Variants in TMEM232 observed in about 807,000 individuals in gnomAD.
TMEM232 encodes the protein transmembrane protein 232.
Under a neutral mutation model 78.8 loss-of-function variants are expected in TMEM232, and 80 were observed. The ratio of observed to expected loss-of-function variants is 1.01; its 90% confidence interval spans 0.85 to 1.22. TMEM232 has a LOEUF of 1.22. Among genes scored for constraint, TMEM232 ranks in the 50% most tolerant of loss-of-function variants. TMEM232 has a pLI of 0.00. For synonymous variants in TMEM232, 297 were observed against 254.3 expected (o/e 1.17, Z -1.60); for missense variants, 881 against 742.2 (o/e 1.19, Z -2.17).
At chr5:110,657,550 T>C (rs1040535027) in intron 2 of TMEM232, among the ~76,000 whole-genome samples, 1 of 152,124 alleles carries the variant, frequency 6.6e-6, no homozygotes, top group Admixed American at 6.6e-5. Flanking sequence ...AAAAAGCTTA[T>C]TTCATAGAAT....
At chr5:110,603,613 T>A (rs1314698566) in intron 10 of TMEM232, among the ~76,000 whole-genome samples, 1 of 152,192 alleles carries the variant, frequency 6.6e-6, no homozygotes, top group African/African-American at 2.4e-5. Context: ...ATTTCTGACA[T>A]TCTGAATAAC....
In TMEM232 at chr5:110,390,813, G is replaced by A. The variant is rs573219085; in HGVS notation, n.391-173C>T. 4.6e-4 allele frequency among the ~76,000 whole-genome samples: 70 copies of A among 152,336 alleles called. 2 individuals are homozygous for A. The highest frequency in any genetic ancestry group is 1.5e-3 in the African/African-American group (62 of 41,586). On this transcript the variant is annotated intron_variant and non_coding_transcript_variant, in intron 3 of 8. Coordinates refer to the TMEM232 transcript ENST00000507188. ...AAAATGGTACTTTGGTGATTATAGC[G>A]TGATAGCACAAAAAGCCACGTCCCT...
chr5:110,613,656 A>G lies in TMEM232; in HGVS notation c.902+4773T>C, dbSNP rs747559735. On this transcript the variant is annotated intron_variant, in intron 8 of 13. Coordinates refer to ENST00000455884, the MANE Select transcript of TMEM232 (RefSeq NM_001039763.4). The stretch of plus-strand genomic sequence containing the variant: ...TGCATCATCAGGGCCTGGTGCCTCA[A>G]TATTTCTTTTTCATTCTGAATACAT... 3.3e-5 allele frequency among the ~76,000 whole-genome samples: 5 copies of G among 152,180 alleles called. No individual in the cohort carries two copies. The Middle Eastern group carries it at 0.01, about 311-fold the overall frequency.
intron 12 of TMEM232, among the ~76,000 whole-genome samples, chr5:110,466,898 T>TTGTGTGTG (rs36031837): frequency 4.3e-4 from 65 of 149,770 alleles, no homozygotes; most frequent in East Asian, 2.0e-3. Flanking sequence ...ACTATAGTAT[T>TTGTGTGTG]TGTGTGTGTG....
chr5:110,445,701 G>C (rs563948279), intron 12 of TMEM232, among the ~76,000 whole-genome samples: 2 of 152,150 alleles, frequency 1.3e-5, no homozygotes, highest in Non-Finnish European at 2.9e-5. Flanking sequence ...ACACATCAAA[G>C]TTCAACTATG....
At chr5:110,568,980 G>A (rs1776630939) in intron 10 of TMEM232, among the ~76,000 whole-genome samples, 1 of 151,762 alleles carries the variant, frequency 6.6e-6, no homozygotes, top group Non-Finnish European at 1.5e-5. Flanking sequence ...GGCCACCATG[G>A]TGAATTTTTA....
chr5:110,517,058 C>T (rs1211812464), intron 12 of TMEM232, among the ~76,000 whole-genome samples: 1 of 152,176 alleles, frequency 6.6e-6, no homozygotes, highest in Non-Finnish European at 1.5e-5. Flanking sequence ...TGGCTTCTTG[C>T]CGTCTTTCAC....
chr5:110,631,184 CA>C (rs1219272316), intron 5 of TMEM232, among the ~76,000 whole-genome samples: 3 of 152,152 alleles, frequency 2.0e-5, no homozygotes, highest in Admixed American at 2.0e-4. Flanking sequence ...CTGTGGCCCC[CA>C]AGTAGTATTA....
chr5:110,635,764 A>G (rs1252467899), intron 5 of TMEM232, among the ~76,000 whole-genome samples: 1 of 151,968 alleles, frequency 6.6e-6, no homozygotes, highest in African/African-American at 2.4e-5. Flanking sequence ...AAAAATACAC[A>G]TGATGGCGAG....
chr5:110,728,266 G>C (rs1283008840), upstream of TMEM232, among the ~76,000 whole-genome samples: 3 of 151,490 alleles, frequency 2.0e-5, no homozygotes, highest in East Asian at 5.8e-4. Flanking sequence ...TATATCTACT[G>C]ATTTTATATA....
At chr5:110,665,708 T>G (rs78379446) in intron 2 of TMEM232, among the ~76,000 whole-genome samples, 1 of 151,984 alleles carries the variant, frequency 6.6e-6, no homozygotes, top group African/African-American at 2.4e-5. Context: ...TGGGGACATA[T>G]AGCCAACCTG....
chr5:110,528,126 T>C (rs557783606), intron 12 of TMEM232, among the ~76,000 whole-genome samples: 1 of 152,022 alleles, frequency 6.6e-6, no homozygotes, highest in Non-Finnish European at 1.5e-5. Flanking sequence ...GTCCAATGTT[T>C]CCCGGAGTCC....
At chr5:110,419,226 G>A (rs111830427), downstream of TMEM232, among the ~76,000 whole-genome samples, 1,390 of 152,010 alleles carry the variant, frequency 9.1e-3, 20 homozygotes, top group African/African-American at 0.032. Flanking sequence ...TATTTGGAAA[G>A]GTATATTGGG....
At chr5:110,443,066 T>C (rs1759243471) in intron 12 of TMEM232, among the ~76,000 whole-genome samples, 1 of 152,162 alleles carries the variant, frequency 6.6e-6, no homozygotes, top group Admixed American at 6.5e-5. Flanking sequence ...ACCCAAGGCA[T>C]ACTGTAACCG....
In TMEM232 at chr5:110,420,390, G is replaced by T; in HGVS notation, c.*190C>A. The T allele has an allele frequency of 2.3e-6, 1 of 442,754 alleles. No homozygotes were observed. The highest frequency in any genetic ancestry group is 3.9e-6 in the Non-Finnish European group (1 of 257,756). The allele number at this position is 442,754 out of a possible 1,614,324, so 27.4% of individuals were successfully genotyped here. A position where few individuals can be genotyped will look rare whatever the true frequency, so the allele number is the denominator to read the frequency against. On this transcript the variant is annotated 3_prime_UTR_variant, in exon 14 of 14. Coordinates refer to ENST00000455884, the MANE Select transcript of TMEM232 (RefSeq NM_001039763.4). ...TTCATTCAAGTGTGATTAAAAGTTG[G>T]TCATTAATTTAGAACTAAGAAATAA...
chr5:110,495,501 A>G (rs868414924), intron 12 of TMEM232, among the ~76,000 whole-genome samples: 1 of 151,978 alleles, frequency 6.6e-6, no homozygotes, highest in Non-Finnish European at 1.5e-5. Context: ...ATGAAAACAT[A>G]CATCTTGATT....
chr5:110,598,551 C>G lies in TMEM232; in HGVS notation c.1276+6558G>C, dbSNP rs543535088. 5.3e-5 allele frequency among the ~76,000 whole-genome samples: 8 copies of G among 152,178 alleles called. No homozygotes were observed. In the East Asian group the frequency reaches 1.2e-3, roughly 22 times the overall value. Reference sequence around the variant, plus strand: ...ACTATAAATCATGCTGCTATAAAGACATATGCACACGTATGTTTATTGCGG... The same window carrying G: ...ACTATAAATCATGCTGCTATAAAGAGATATGCACACGTATGTTTATTGCGG... On this transcript the variant is annotated intron_variant, in intron 10 of 13. Transcript: ENST00000455884.
In TMEM232 at chr5:110,388,693, G is replaced by T. The variant is rs374221790; in HGVS notation, n.616-640C>A. 9.2e-5 allele frequency among the ~76,000 whole-genome samples: 14 copies of T among 152,144 alleles called. No homozygotes were observed. In the East Asian group the frequency reaches 2.7e-3, roughly 29 times the overall value. On this transcript the variant is annotated intron_variant and non_coding_transcript_variant, in intron 4 of 8. Coordinates refer to the TMEM232 transcript ENST00000507188. ...GCCTGGCCCTAATCCCATAGAAGGG[G>T]GATCTCATACAAAAGGGTTGAAGGC... is the stretch of plus-strand genomic sequence containing the variant.
intron 11 of TMEM232, among the ~76,000 whole-genome samples, chr5:110,536,181 G>A (rs1772325895): frequency 6.6e-6 from 1 of 152,160 alleles, no homozygotes; most frequent in South Asian, 2.1e-4. Context: ...AGAGGCAACT[G>A]CAGGTTTCCG....
Sources: allele counts gnomAD v4.1 joint callset (sites outside exome capture counted in the v4.1 genomes callset), GRCh38; gene constraint gnomAD v4.1.1; transcripts MANE v1.5; gene names NCBI Gene and HGNC (gene_info 2026-07-23, HGNC 2026-07-21).